AKAP11: variants seen among roughly 807,000 people sequenced by gnomAD.
AKAP11 encodes A-kinase anchoring protein 11.
AKAP11 carries 36 observed loss-of-function variants against 146.1 expected under a neutral mutation model. That is an observed-to-expected ratio of 0.25 (90% CI 0.19 to 0.33). The LOEUF (loss-of-function observed/expected upper bound fraction) is 0.33. Ranked by LOEUF, AKAP11 falls within the 10% of genes least tolerant of loss-of-function variation. The pLI is 1.00. For missense variants in AKAP11, 2,201 were observed against 2,197.0 expected (o/e 1.00, Z -0.04); for synonymous variants, 780 against 786.5 (o/e 0.99, Z 0.14).
intron 2 of AKAP11, 126 bp from the exon 3 acceptor site, chr13:42,286,174 A>T: frequency 2.4e-6 from 1 of 417,906 alleles, no homozygotes; most frequent in Non-Finnish European, 4.3e-6. Context: ...GGGGGTGCTC[A>T]GATTATTTTT....
At chr13:42,313,236 G>A (rs1960649346) in intron 10 of AKAP11, 106 bp downstream of exon 10, 2 of 734,686 alleles carry the variant, frequency 2.7e-6, no homozygotes, top group African/African-American at 1.8e-5. Context: ...GTATCAACCT[G>A]CTTTTCTCCT....
At chr13:42,284,583 T>TTGA (rs1566258010) in intron 1 of AKAP11, among the ~76,000 whole-genome samples, 1 of 152,252 alleles carries the variant, frequency 6.6e-6, no homozygotes, top group African/African-American at 2.4e-5. Flanking sequence ...TTTGGTCCAC[T>TTGA]TGATCATTTT....
At chr13:42,307,157 G>A (rs1176181825) in intron 8 of AKAP11, among the ~76,000 whole-genome samples, 1 of 152,126 alleles carries the variant, frequency 6.6e-6, no homozygotes, top group Non-Finnish European at 1.5e-5. Flanking sequence ...AAACAAAGTA[G>A]TAATCTATCA....
At chr13:42,279,299 A>G (rs937611202) in intron 1 of AKAP11, among the ~76,000 whole-genome samples, 1 of 150,776 alleles carries the variant, frequency 6.6e-6, no homozygotes, top group Non-Finnish European at 1.5e-5. Flanking sequence ...TCTCTCACTC[A>G]CTCACTCGCT....
intron 8 of AKAP11, among the ~76,000 whole-genome samples, chr13:42,305,885 A>G (rs1330474608): frequency 6.6e-6 from 1 of 152,228 alleles, no homozygotes; most frequent in Non-Finnish European, 1.5e-5. Flanking sequence ...AGGGGAAGCA[A>G]GTGTTTTCTT....
rs1346722548 is a variant in AKAP11, at chr13:42,321,837, T to TG, written c.*2609_*2610insG. The TG allele has an allele frequency of 6.6e-6, 1 of 152,324 alleles. No homozygotes were observed. Among genetic ancestry groups the TG allele is most frequent in the East Asian group, 1.9e-4 (1 of 5,338 alleles). The allele number at this position is 152,324 out of a possible 1,614,324, so 9.4% of individuals were successfully genotyped here. Reference sequence around the variant, plus strand: ...CGAAATACGTCTTTTTCAGAACTGTTAAAGTTTTGATGTACATCGAGCTGA... The same window carrying TG: ...CGAAATACGTCTTTTTCAGAACTGTTGAAAGTTTTGATGTACATCGAGCTGA... On this transcript the variant is annotated 3_prime_UTR_variant, in exon 13 of 13. Coordinates refer to ENST00000025301, the MANE Select transcript of AKAP11 (RefSeq NM_016248.4).
chr13:42,289,476 A>T, intron 3 of AKAP11, among the ~76,000 whole-genome samples: 1 of 152,100 alleles, frequency 6.6e-6, no homozygotes, highest in Non-Finnish European at 1.5e-5. Flanking sequence ...TCATTAATTC[A>T]TCTATGTAAG....
rs2236364 is a variant in AKAP11 at position 42,300,908 on chromosome 13, C to G, written c.2162C>G (p.Ser721Cys). The G allele has an allele frequency of 6.1e-4, 986 of 1,614,112 alleles. 14 individuals are homozygous for G. The East Asian group carries it at 0.018, about 30-fold the overall frequency. Residue 721 changes from serine (S) to cysteine (C), a missense_variant, in exon 8 of 13, where the codon TCT (serine) becomes TGT (cysteine). Transcript: ENST00000025301. ...ACAACAAAGGCAGCAGTTAGTGTCT[C>G]TACGGATAATATCAAGTATGTGAGT... Reference protein sequence around the residue: ...TFTTKAAVSVSTDNIKYVSAE... With the variant: ...TFTTKAAVSVCTDNIKYVSAE...
intron 11 of AKAP11, among the ~76,000 whole-genome samples, chr13:42,316,723 T>A (rs1960838935): frequency 6.6e-6 from 1 of 152,218 alleles, no homozygotes; most frequent in South Asian, 2.1e-4. Flanking sequence ...CTCAGATCTC[T>A]CACCTGTAGA....
chr13:42,298,454 G>T lies in AKAP11; in HGVS notation c.352-79G>T, dbSNP rs1412342458. The T allele has an allele frequency of 2.8e-6, 4 of 1,451,272 alleles. No individual in the cohort carries two copies. In the African/African-American group the frequency reaches 4.3e-5, roughly 16 times the overall value. 89.9% of individuals were successfully genotyped at this position (1,451,272 alleles called of 1,614,324 possible). A position where few individuals can be genotyped will look rare whatever the true frequency, so the allele number is the denominator to read the frequency against. On this transcript the variant is annotated intron_variant, in intron 6 of 12. Transcript: ENST00000025301. ...CTTGTTTGTTTTTTTCTCTGAGATT[G>T]TCTTATATCTAGGCTTTACTTCATG...
At chr13:42,311,158 T>C (rs1426746677) in intron 9 of AKAP11, among the ~76,000 whole-genome samples, 2 of 152,180 alleles carry the variant, frequency 1.3e-5, no homozygotes, top group Non-Finnish European at 2.9e-5. Context: ...AAGACCAGTC[T>C]TGATATGGCT....
rs754045690 is a variant in AKAP11, at chr13:42,296,675, A to T, written c.217-373A>T. On this transcript the variant is annotated intron_variant, in intron 5 of 12. Transcript: ENST00000025301. ...TTAAAAAAAAGTTTTTAAGATGTAC[A>T]TTCTCTAGCAAAAAATTTTGTATGA... is the stretch of plus-strand genomic sequence containing the variant. Among the ~76,000 whole-genome samples, 236 of 152,084 alleles carry T rather than the reference A, an allele frequency of 1.6e-3. 4 individuals carry two copies. The highest frequency in any genetic ancestry group is 7.1e-4 in the Non-Finnish European group (48 of 67,880).
intron 5 of AKAP11, among the ~76,000 whole-genome samples, chr13:42,296,523 G>T (rs565843934): frequency 6.6e-5 from 10 of 151,860 alleles, no homozygotes; most frequent in Admixed American, 6.6e-4. Flanking sequence ...GTGTATAAAG[G>T]GCAAACAAGA....
intron 3 of AKAP11, among the ~76,000 whole-genome samples, chr13:42,286,695 T>C (rs1295038582): frequency 6.6e-6 from 1 of 152,202 alleles, no homozygotes; most frequent in Non-Finnish European, 1.5e-5. Flanking sequence ...TACCTTTAGC[T>C]TTACCATTCA....
Position 42,322,767 on chromosome 13 carries a change from T to G in AKAP11, c.*3539T>G, listed in dbSNP as rs1961138512. The G allele has an allele frequency of 6.6e-6, 1 of 152,668 alleles. No homozygotes were observed. Among genetic ancestry groups the G allele is most frequent in the South Asian group, 2.1e-4 (1 of 4,834 alleles). The allele number at this position is 152,668 out of a possible 1,614,324, so 9.5% of individuals were successfully genotyped here. The stretch of plus-strand genomic sequence containing the variant: ...GAATTAGTCACTCTTGTCACTTTAT[T>G]TATTTATTGGTTTTTTTTTAACCAT... On this transcript the variant is annotated 3_prime_UTR_variant, in exon 13 of 13. Transcript: ENST00000025301.
chr13:42,319,041 T>G, intron 12 of AKAP11, 47 bp from the exon 13 acceptor site: 1 of 1,564,238 alleles, frequency 6.4e-7, no homozygotes, highest in Non-Finnish European at 8.7e-7. Context: ...AAAAGCTTTG[T>G]TATAAAATTG....
chr13:42,287,179 G>A (rs561660856), intron 3 of AKAP11, among the ~76,000 whole-genome samples: 2 of 152,144 alleles, frequency 1.3e-5, no homozygotes, highest in African/African-American at 4.8e-5. Flanking sequence ...TTTATGTAGA[G>A]AGCTAAAAGA....
chr13:42,277,572 G>A (rs9533056), intron 1 of AKAP11, among the ~76,000 whole-genome samples: 10,397 of 152,136 alleles, frequency 0.068, 383 homozygotes, highest in Middle Eastern at 0.13. Context: ...TGACTGTTTG[G>A]GAAAACAAAA....
rs1206680818 is a variant in AKAP11, at chr13:42,321,223, A to C, written c.*1995A>C. ...GTATGCACAAGTTTGATCAACAGCA[A>C]AATAGAGTTCTGAATTTCTTTTAAA... On this transcript the variant is annotated 3_prime_UTR_variant, in exon 13 of 13. Transcript: ENST00000025301. 6.6e-6 allele frequency: 1 copy of C among 152,342 alleles called. No homozygotes were observed. Among genetic ancestry groups the C allele is most frequent in the Non-Finnish European group, 1.5e-5 (1 of 68,034 alleles). The allele number at this position is 152,342 out of a possible 1,614,324, so 9.4% of individuals were successfully genotyped here.
Sources: gnomAD v4.1 joint callset for allele counts (sites outside exome capture counted in the v4.1 genomes callset) on GRCh38, gnomAD v4.1.1 for gene constraint, MANE v1.5 for transcripts, NCBI Gene and HGNC (gene_info 2026-07-23, HGNC 2026-07-21) for gene names.